HBS1L: variants seen among roughly 807,000 people sequenced by gnomAD.
The protein encoded by HBS1L is HBS1-like protein.
In HBS1L, 55 loss-of-function variants were observed where a neutral mutation model predicts 88.9. The observed-to-expected ratio is 0.62, with a 90% CI of 0.50 to 0.77. The LOEUF is 0.77. Ranked by LOEUF, HBS1L falls within the 30% of genes least tolerant of loss-of-function variation. The pLI is 0.00. For synonymous variants in HBS1L, 267 were observed against 288.5 expected, an observed-to-expected ratio of 0.93 and a Z score of 0.76; for missense variants, 741 against 829.3, an observed-to-expected ratio of 0.89 and a Z score of 1.31.
In HBS1L at chr6:135,037,850, T is replaced by A. The variant is rs1321057821; in HGVS notation, c.430+1723A>T. 3 of 1,546,196 alleles carry A rather than the reference T, an allele frequency of 1.9e-6. No homozygotes were observed. The Admixed American group carries it at 6.0e-5, about 31-fold the overall frequency. The stretch of plus-strand genomic sequence containing the variant: ...TTTTCACTTTTACGTGTGTCAAGTT[T>A]CTTTTTTCTATGGAGTAAACAGTGA... On this transcript the variant is annotated intron_variant, in intron 4 of 17. Coordinates refer to ENST00000367837, the MANE Select transcript of HBS1L (RefSeq NM_006620.4).
At chr6:134,977,066 T>C (rs916904988) in intron 15 of HBS1L, among the ~76,000 whole-genome samples, 6 of 152,080 alleles carry the variant, frequency 3.9e-5, no homozygotes, top group Admixed American at 1.3e-4. Flanking sequence ...TAGGAAACCT[T>C]TGTTTGCTTA....
intron 4 of HBS1L, among the ~76,000 whole-genome samples, chr6:135,025,000 T>C (rs956332609): frequency 6.6e-6 from 1 of 152,082 alleles, no homozygotes; most frequent in Non-Finnish European, 1.5e-5. Context: ...CTGTATCACA[T>C]ACTAAGAAAG....
intron 15 of HBS1L, among the ~76,000 whole-genome samples, chr6:134,970,308 C>A (rs1411441364): frequency 6.6e-6 from 1 of 152,042 alleles, no homozygotes; most frequent in East Asian, 1.9e-4. Context: ...AGTTTTTGTA[C>A]TTTTAGTAGA....
At chr6:134,972,239 G>A (rs1240878123) in intron 15 of HBS1L, among the ~76,000 whole-genome samples, 1 of 152,108 alleles carries the variant, frequency 6.6e-6, no homozygotes, top group Non-Finnish European at 1.5e-5. Flanking sequence ...AGTCTGTTAG[G>A]TGGCCAAGTA....
At chr6:135,021,454 A>C (rs1008326157) in intron 4 of HBS1L, among the ~76,000 whole-genome samples, 3 of 152,152 alleles carry the variant, frequency 2.0e-5, no homozygotes, top group Admixed American at 2.0e-4. Context: ...AGTCATCTGA[A>C]ATTTAAACAG....
intron 15 of HBS1L, among the ~76,000 whole-genome samples, chr6:134,969,761 T>C (rs9402670): frequency 6.6e-6 from 1 of 152,228 alleles, no homozygotes; most frequent in East Asian, 1.9e-4. Flanking sequence ...CTTCTGTCTG[T>C]ACCTCAGTTT....
intron 4 of HBS1L, among the ~76,000 whole-genome samples, chr6:135,032,811 T>C (rs1007744730): frequency 3.9e-5 from 6 of 152,100 alleles, no homozygotes; most frequent in African/African-American, 1.4e-4. Context: ...AAAAACTAAA[T>C]ATAAAACACT....
intron 8 of HBS1L, among the ~76,000 whole-genome samples, chr6:134,989,859 A>G (rs914658899): frequency 1.3e-5 from 2 of 152,188 alleles, no homozygotes; most frequent in Non-Finnish European, 2.9e-5. Context: ...AACTGAAGCA[A>G]TCAATTTGAA....
At chr6:134,979,687 G>A (rs897850774) in intron 13 of HBS1L, among the ~76,000 whole-genome samples, 3 of 151,832 alleles carry the variant, frequency 2.0e-5, no homozygotes, top group African/African-American at 7.3e-5. Context: ...TTTTCTTCTC[G>A]AGTTTTGCTT....
intron 8 of HBS1L, among the ~76,000 whole-genome samples, chr6:134,992,169 T>C (rs993604400): frequency 6.6e-6 from 1 of 152,228 alleles, no homozygotes; most frequent in Non-Finnish European, 1.5e-5. Flanking sequence ...CTCTTCATGT[T>C]TTCCAGTAAT....
intron 4 of HBS1L, among the ~76,000 whole-genome samples, chr6:135,038,867 A>AT (rs1165477277): frequency 6.6e-5 from 10 of 152,278 alleles, no homozygotes; most frequent in South Asian, 2.1e-4. Context: ...GCATAAAGGG[A>AT]TTTTTTTAAC....
At chr6:135,000,161 T>C (rs1196464700) in intron 5 of HBS1L, among the ~76,000 whole-genome samples, 1 of 151,682 alleles carries the variant, frequency 6.6e-6, no homozygotes, top group East Asian at 1.9e-4. Flanking sequence ...CAGGTTCAAG[T>C]GATCCCACCT....
In HBS1L at chr6:134,978,805, A is replaced by G; in HGVS notation, c.1689-18T>C. 1.3e-6 allele frequency: 2 copies of G among 1,485,860 alleles called. No homozygotes were observed. The highest frequency in any genetic ancestry group is 1.8e-6 in the Non-Finnish European group (2 of 1,081,828). 92.0% of individuals were successfully genotyped at this position (1,485,860 alleles called of 1,614,324 possible). On this transcript the variant is annotated intron_variant, in intron 14 of 17. Transcript: ENST00000367837. The stretch of plus-strand genomic sequence containing the variant: ...AGCCAACACTGTAAGAACAACAAAA[A>G]AAGAGGAAAGGTAATTGGGGGACAA...
At chr6:135,007,329 C>T (rs1019922348) in intron 4 of HBS1L, among the ~76,000 whole-genome samples, 1 of 152,086 alleles carries the variant, frequency 6.6e-6, no homozygotes, top group Non-Finnish European at 1.5e-5. Flanking sequence ...TATTTTCAGT[C>T]AGGTACCCCT....
At chr6:135,043,347 T>A (rs1387272476) in intron 2 of HBS1L, among the ~76,000 whole-genome samples, 1 of 152,258 alleles carries the variant, frequency 6.6e-6, no homozygotes, top group African/African-American at 2.4e-5. Flanking sequence ...ACAAAACATG[T>A]TAAGTTCATT....
chr6:134,986,955 C>T (rs62431096), intron 9 of HBS1L, 145 bp from the exon 10 acceptor site: 6 of 349,720 alleles, frequency 1.7e-5, no homozygotes, highest in East Asian at 4.5e-5. Context: ...TCAGACCTTG[C>T]TAATAATATG....
At chr6:134,972,464 C>T (rs560765152) in intron 15 of HBS1L, among the ~76,000 whole-genome samples, 37 of 152,130 alleles carry the variant, frequency 2.4e-4, no homozygotes, top group Middle Eastern at 6.8e-3. Flanking sequence ...GATCAAAGAC[C>T]TAAATATAAA....
intron 4 of HBS1L, among the ~76,000 whole-genome samples, chr6:135,007,409 G>A (rs1775643980): frequency 6.6e-6 from 1 of 152,084 alleles, no homozygotes; most frequent in Non-Finnish European, 1.5e-5. Context: ...AATTTTGCAT[G>A]CTATTTCAAG....
At chr6:134,968,668 C>T (rs1027167094) in intron 16 of HBS1L, among the ~76,000 whole-genome samples, 12 of 151,576 alleles carry the variant, frequency 7.9e-5, no homozygotes, top group African/African-American at 2.7e-4. Context: ...GGAAGTGTCA[C>T]ACCTAAGCCT....
Sources: allele counts gnomAD v4.1 joint callset (sites outside exome capture counted in the v4.1 genomes callset), GRCh38; gene constraint gnomAD v4.1.1; transcripts MANE v1.5; gene names NCBI Gene and HGNC (gene_info 2026-07-23, HGNC 2026-07-21).